MFHAS1: variants seen among roughly 807,000 people sequenced by gnomAD.
MFHAS1 encodes malignant fibrous histiocytoma-amplified sequence 1.
A neutral mutation model predicts 70.4 loss-of-function variants in MFHAS1; 50 were observed. The observed-to-expected ratio is 0.71, with a 90% CI of 0.57 to 0.90. The LOEUF (loss-of-function observed/expected upper bound fraction) is 0.90, where lower values mean the gene tolerates loss of function less well. Ranked by LOEUF, MFHAS1 falls within the 40% of genes least tolerant of loss-of-function variation. The pLI is 0.00. For synonymous variants in MFHAS1, 952 were observed against 620.0 expected (o/e 1.54, Z -7.96); for missense variants, 1,795 against 1,347.6 (o/e 1.33, Z -5.20).
intron 1 of MFHAS1, among the ~76,000 whole-genome samples, chr8:8,850,360 T>C (rs1003031439): frequency 1.3e-5 from 2 of 151,942 alleles, no homozygotes; most frequent in Non-Finnish European, 2.9e-5. Context: ...TGATACCCAA[T>C]CTGAAAAAAC....
chr8:8,793,396 A>C (rs1805784831), intron 2 of MFHAS1, among the ~76,000 whole-genome samples: 1 of 152,244 alleles, frequency 6.6e-6, no homozygotes, highest in Non-Finnish European at 1.5e-5. Context: ...TGATTTGACC[A>C]ATAAAGGAGA....
At chr8:8,889,905 C>A (rs747205108) in intron 1 of MFHAS1, among the ~76,000 whole-genome samples, 156 bp downstream of exon 1, 3 of 152,216 alleles carry the variant, frequency 2.0e-5, no homozygotes, top group Admixed American at 6.5e-5. Flanking sequence ...TACTTACTAC[C>A]TTTTGCTCAT....
chr8:8,817,703 CGGAGGAGGGG>C (rs1214277532), intron 1 of MFHAS1, among the ~76,000 whole-genome samples: 2 of 152,162 alleles, frequency 1.3e-5, no homozygotes, highest in African/African-American at 4.8e-5. Flanking sequence ...CCAGGGATGG[CGGAGGAGGGG>C]GATGGTTTCT....
chr8:8,834,142 AAAACAAAC>A (rs760272626), intron 1 of MFHAS1, among the ~76,000 whole-genome samples: 33 of 150,682 alleles, frequency 2.2e-4, no homozygotes, highest in Non-Finnish European at 4.7e-4. Flanking sequence ...CAAAAAAAAC[AAAACAAAC>A]AAACAAACAA....
intron 2 of MFHAS1, among the ~76,000 whole-genome samples, chr8:8,791,125 G>A (rs556407196): frequency 1.9e-4 from 25 of 132,650 alleles, no homozygotes; most frequent in African/African-American, 4.9e-4. Context: ...CACCCCACCC[G>A]TTTTTTTTTT....
rs562723570 is a variant in MFHAS1 at position 8,786,639 on chromosome 8, T to C, written c.3126-584A>G. ...CCGATAAAATGGTTAGAGGAAAAAA[T>C]ATCAAGTGTTTTTCTCATTTTTGCT... On this transcript the variant is annotated intron_variant, in intron 2 of 2. Transcript: ENST00000276282. Among the ~76,000 whole-genome samples the C allele has an allele frequency of 7.3e-5, 11 of 151,302 alleles. No homozygotes were observed. In the South Asian group the frequency reaches 2.1e-3, roughly 29 times the overall value.
At chr8:8,875,922 A>G (rs1809272971) in intron 1 of MFHAS1, among the ~76,000 whole-genome samples, 1 of 152,164 alleles carries the variant, frequency 6.6e-6, no homozygotes, top group Non-Finnish European at 1.5e-5. Flanking sequence ...GCATTTTTAA[A>G]AGAGCATAAG....
At chr8:8,794,942 T>C (rs1195682662) in intron 2 of MFHAS1, among the ~76,000 whole-genome samples, 1 of 152,214 alleles carries the variant, frequency 6.6e-6, no homozygotes, top group East Asian at 1.9e-4. Flanking sequence ...GTGGTCTTTC[T>C]GCGGCAGTAC....
intron 1 of MFHAS1, among the ~76,000 whole-genome samples, chr8:8,874,934 T>C (rs1585065895): frequency 7.0e-6 from 1 of 143,178 alleles, no homozygotes; most frequent in African/African-American, 2.6e-5. Context: ...ACCACCAAGA[T>C]GATGCCAGAA....
At chr8:8,885,914 G>T (rs1162383381) in intron 1 of MFHAS1, among the ~76,000 whole-genome samples, 1 of 152,146 alleles carries the variant, frequency 6.6e-6, no homozygotes, top group East Asian at 1.9e-4. Context: ...GTTTCACCAG[G>T]TTGACCAGGC....
chr8:8,892,702 G>A lies in MFHAS1; in HGVS notation c.357C>T (p.Ser119=), dbSNP rs1211213192. 5 of 1,581,236 alleles carry A rather than the reference G, an allele frequency of 3.2e-6. No homozygotes were observed. The East Asian group carries it at 6.9e-5, about 22-fold the overall frequency. Residue 119 remains serine (S), a synonymous_variant, in exon 1 of 3, where the codon AGC becomes AGT. Coordinates refer to ENST00000276282, the MANE Select transcript of MFHAS1 (RefSeq NM_004225.3). This position sits in a 1 kb window ranked among gnomAD's most constrained non-coding sequence, Gnocchi z 4.7. The part of the protein sequence containing the change: ...LGHHLTELDV[S]HNRLTALGAE... Reference sequence around the variant, plus strand: ...CGCCCAGGGCGGTCAGCCGGTTGTGGCTCACGTCCAGCTCGGTGAGGTGGT... The same window carrying A: ...CGCCCAGGGCGGTCAGCCGGTTGTGACTCACGTCCAGCTCGGTGAGGTGGT...
intron 1 of MFHAS1, among the ~76,000 whole-genome samples, chr8:8,886,006 T>C (rs1161102416): frequency 6.6e-6 from 1 of 152,224 alleles, no homozygotes; most frequent in Non-Finnish European, 1.5e-5. Context: ...TCTCCGAGTT[T>C]CCAAAAGAAT....
At chr8:8,836,241 G>A (rs1167154148) in intron 1 of MFHAS1, among the ~76,000 whole-genome samples, 1 of 152,176 alleles carries the variant, frequency 6.6e-6, no homozygotes, top group Non-Finnish European at 1.5e-5. Context: ...CAACCCTGTT[G>A]CTTCTGACAA....
chr8:8,794,834 T>G (rs184005553), intron 2 of MFHAS1, among the ~76,000 whole-genome samples: 1 of 152,350 alleles, frequency 6.6e-6, no homozygotes, highest in East Asian at 1.9e-4. Context: ...TGGCGCCATG[T>G]ACCGCCGCTT....
intron 1 of MFHAS1, among the ~76,000 whole-genome samples, chr8:8,841,768 C>T (rs972552321): frequency 2.6e-5 from 4 of 152,168 alleles, no homozygotes; most frequent in African/African-American, 9.7e-5. Context: ...CCACACCCCA[C>T]GGGTACGAGA....
intron 2 of MFHAS1, among the ~76,000 whole-genome samples, chr8:8,786,385 T>G (rs973020426): frequency 4.6e-5 from 7 of 152,218 alleles, no homozygotes; most frequent in African/African-American, 1.7e-4. Flanking sequence ...CCCAAAACTC[T>G]AAACACGGAA....
intron 1 of MFHAS1, among the ~76,000 whole-genome samples, chr8:8,847,898 T>G (rs1475307366): frequency 1.3e-5 from 2 of 152,230 alleles, no homozygotes; most frequent in Non-Finnish European, 2.9e-5. Flanking sequence ...CACACCACAG[T>G]TATGCTTTAA....
At chr8:8,856,980 GAAAAAAAAAAAA>G (rs59496543) in intron 1 of MFHAS1, among the ~76,000 whole-genome samples, 2,458 of 53,622 alleles carry the variant, frequency 0.046, 69 homozygotes, top group South Asian at 0.2. Flanking sequence ...TCAGGAAAGT[GAAAAAAAAAAAA>G]AAAAAAAAAA....
Position 8,831,757 on chromosome 8 carries a change from C to T in MFHAS1, c.2999-34266G>A, listed in dbSNP as rs923016114. Among the ~76,000 whole-genome samples the T allele has an allele frequency of 5.3e-5, 8 of 151,988 alleles. No individual in the cohort carries two copies. In the East Asian group the frequency reaches 9.7e-4, roughly 18 times the overall value. ...CTGAGTAGCTGGGATTACAGGCATG[C>T]GCCACCACACCCATCTAACTTTTAT... On this transcript the variant is annotated intron_variant, in intron 1 of 2. Transcript: ENST00000276282.
Sources: allele counts gnomAD v4.1 joint callset (sites outside exome capture counted in the v4.1 genomes callset), GRCh38; gene constraint gnomAD v4.1.1; non-coding constraint Gnocchi (gnomAD v3.1); transcripts MANE v1.5; gene names NCBI Gene and HGNC (gene_info 2026-07-23, HGNC 2026-07-21).